The following SIK2 variants were observed in gnomAD, a reference collection of about 807,000 sequenced individuals.
The protein encoded by SIK2 is serine/threonine-protein kinase SIK2.
In SIK2, 29 loss-of-function variants were observed where a neutral mutation model predicts 103.2. That is an observed-to-expected ratio of 0.28 (90% CI 0.21 to 0.38). SIK2 has a LOEUF of 0.38. Ranked by LOEUF, SIK2 falls within the 10% of genes least tolerant of loss-of-function variation. The pLI, the probability that SIK2 is intolerant of heterozygous loss-of-function variation, is 1.00. For synonymous variants in SIK2, 412 were observed against 446.1 expected, an observed-to-expected ratio of 0.92 and a Z score of 0.96; for missense variants, 879 against 1,171.0, an observed-to-expected ratio of 0.75 and a Z score of 3.64.
At chr11:111,716,555 C>T (rs1419006841) in intron 9 of SIK2, among the ~76,000 whole-genome samples, 3 of 151,660 alleles carry the variant, frequency 2.0e-5, no homozygotes, top group African/African-American at 4.9e-5. Flanking sequence ...CCAGCCTGGG[C>T]GACAGAGTGA....
intron 3 of SIK2, chr11:111,671,171 G>T: frequency 4.2e-6 from 1 of 237,866 alleles, no homozygotes; most frequent in South Asian, 5.6e-5. Flanking sequence ...GTCTTCCTAT[G>T]GATACTCATA....
At chr11:111,615,588 T>G (rs1348492783) in intron 1 of SIK2, among the ~76,000 whole-genome samples, 1 of 152,242 alleles carries the variant, frequency 6.6e-6, no homozygotes, top group Admixed American at 6.5e-5. Context: ...CTTCAAATTA[T>G]TAACCTTGGA....
At chr11:111,670,678 A>T (rs992989690) in intron 3 of SIK2, among the ~76,000 whole-genome samples, 1 of 152,264 alleles carries the variant, frequency 6.6e-6, no homozygotes, top group African/African-American at 2.4e-5. Flanking sequence ...TAAGTATACA[A>T]TCAAAATTAT....
intron 9 of SIK2, among the ~76,000 whole-genome samples, chr11:111,715,793 CTTTTTT>C (rs535843069): frequency 2.8e-3 from 230 of 81,592 alleles, no homozygotes; most frequent in African/African-American, 0.01. Flanking sequence ...TCATTTTTAG[CTTTTTT>C]TTTTTTTTTT....
chr11:111,670,728 G>A (rs1591609145), intron 3 of SIK2, among the ~76,000 whole-genome samples: 1 of 152,242 alleles, frequency 6.6e-6, no homozygotes, highest in African/African-American at 2.4e-5. Flanking sequence ...GGTTGGCAGA[G>A]CTAGCTGGGG....
At chr11:111,665,868 GA>G (rs1223163462) in intron 3 of SIK2, among the ~76,000 whole-genome samples, 6 of 151,490 alleles carry the variant, frequency 4.0e-5, no homozygotes, top group African/African-American at 1.5e-4. Flanking sequence ...AAAAAAAAAA[GA>G]AAAGAAATAT....
chr11:111,653,529 G>A (rs1230029861), intron 3 of SIK2, among the ~76,000 whole-genome samples: 1 of 152,230 alleles, frequency 6.6e-6, no homozygotes, highest in African/African-American at 2.4e-5. Context: ...ATTTTCGTAG[G>A]AAAGAGGACT....
At chr11:111,676,350 G>A (rs959162739) in intron 3 of SIK2, among the ~76,000 whole-genome samples, 9 of 152,096 alleles carry the variant, frequency 5.9e-5, no homozygotes, top group Admixed American at 1.3e-4. Context: ...GCTTCCCACC[G>A]CAGCTGAACT....
intron 2 of SIK2, among the ~76,000 whole-genome samples, chr11:111,617,190 A>G (rs490897): frequency 0.59 from 90,080 of 151,570 alleles, 29,868 homozygotes; most frequent in East Asian, 0.96. Context: ...TACAGGTGCA[A>G]TTTTGTTACC....
intron 3 of SIK2, among the ~76,000 whole-genome samples, chr11:111,664,711 T>A (rs2135874499): frequency 8.7e-6 from 1 of 114,426 alleles, no homozygotes. Flanking sequence ...CACACACACC[T>A]CTACACCCCT....
intron 6 of SIK2, 98 bp from the exon 7 acceptor site, chr11:111,703,105 A>G: frequency 9.5e-7 from 1 of 1,052,038 alleles, no homozygotes; most frequent in Non-Finnish European, 1.4e-6. Context: ...TAGAGGATAC[A>G]AAGATTAACA....
intron 8 of SIK2, among the ~76,000 whole-genome samples, chr11:111,710,005 A>G (rs868040328): frequency 7.2e-5 from 11 of 152,338 alleles, no homozygotes; most frequent in African/African-American, 2.2e-4. Context: ...ACCCCCAGTC[A>G]TGCGTTGCCC....
chr11:111,638,796 G>A (rs569587531), intron 3 of SIK2, among the ~76,000 whole-genome samples: 12 of 151,900 alleles, frequency 7.9e-5, no homozygotes, highest in African/African-American at 2.9e-4. Context: ...TAAATTCTAG[G>A]TCTATTTCTG....
chr11:111,625,963 T>C (rs1400105970), intron 3 of SIK2, among the ~76,000 whole-genome samples: 1 of 152,242 alleles, frequency 6.6e-6, no homozygotes, highest in Admixed American at 6.5e-5. Context: ...TAGGATAGTC[T>C]AAATTGTTCT....
rs1204067606 is a variant in SIK2, at chr11:111,620,359, G to A, written c.273G>A (p.Met91Ile). Residue 91 changes from methionine to isoleucine, a missense_variant, in exon 3 of 15, where the codon ATG becomes ATA. Transcript: ENST00000304987. ...AATAGGTAATGGAGACCAAAAGTATGTTGTACCTTGTGACAGAATATGCCA... is the reference window on the plus strand; with the variant it reads ...AATAGGTAATGGAGACCAAAAGTATATTGTACCTTGTGACAGAATATGCCA... Reference protein sequence around the residue: ...KLYQVMETKSMLYLVTEYAKN... With the variant: ...KLYQVMETKSILYLVTEYAKN... The A allele has an allele frequency of 1.9e-6, 3 of 1,594,616 alleles. No homozygotes were observed. Among genetic ancestry groups the A allele is most frequent in the Non-Finnish European group, 2.6e-6 (3 of 1,171,802 alleles).
Position 111,722,605 on chromosome 11 carries a change from AT to A in SIK2, c.2056-59del. On this transcript the variant is annotated intron_variant, in intron 13 of 14. Coordinates refer to ENST00000304987, the MANE Select transcript of SIK2 (RefSeq NM_015191.3). This position sits in a 1 kb window ranked among gnomAD's most constrained non-coding sequence, Gnocchi z 4.4. ...CATCCTGCAGGCAGAAGCACATCTG[AT>A]GACTGCATCCTAGGTGACAGCACAT... 1 of 1,500,636 alleles carries A rather than the reference AT, an allele frequency of 6.7e-7. No individual in the cohort carries two copies. Among genetic ancestry groups the A allele is most frequent in the Non-Finnish European group, 9.2e-7 (1 of 1,085,582 alleles). 93.0% of individuals were successfully genotyped at this position (1,500,636 alleles called of 1,614,324 possible).
intron 1 of SIK2, among the ~76,000 whole-genome samples, chr11:111,609,899 A>G (rs1941697593): frequency 6.6e-6 from 1 of 152,214 alleles, no homozygotes; most frequent in Non-Finnish European, 1.5e-5. Flanking sequence ...GGTCTAATGT[A>G]TGGTATGATA....
Position 111,726,571 on chromosome 11 carries a change from G to A in SIK2, c.*2442G>A, listed in dbSNP as rs893659750. 1 of 194,576 alleles carries A rather than the reference G, an allele frequency of 5.1e-6. No individual in the cohort carries two copies. Among genetic ancestry groups the A allele is most frequent in the Non-Finnish European group, 1.1e-5 (1 of 93,952 alleles). The allele number at this position is 194,576 out of a possible 1,614,324, so 12.1% of individuals were successfully genotyped here. ...AATAAATTCCATAACCCTCTGTATT[G>A]ACTGCAATGTAAGCTGCTGAGGAGA... On this transcript the variant is annotated 3_prime_UTR_variant, in exon 15 of 15. Coordinates refer to ENST00000304987, the MANE Select transcript of SIK2 (RefSeq NM_015191.3).
At chr11:111,658,366 A>C (rs1355035282) in intron 3 of SIK2, among the ~76,000 whole-genome samples, 1 of 151,636 alleles carries the variant, frequency 6.6e-6, no homozygotes, top group East Asian at 1.9e-4. Flanking sequence ...CTCGTGATCC[A>C]CCCGTCTTGG....
Sources: allele counts gnomAD v4.1 joint callset (sites outside exome capture counted in the v4.1 genomes callset), GRCh38; gene constraint gnomAD v4.1.1; non-coding constraint Gnocchi (gnomAD v3.1); transcripts MANE v1.5; gene names NCBI Gene and HGNC (gene_info 2026-07-23, HGNC 2026-07-21).